SHISA6: variants seen among roughly 807,000 people sequenced by gnomAD.
SHISA6 encodes the protein shisa family member 6.
In SHISA6, 22 loss-of-function variants were observed where a neutral mutation model predicts 47.9. The observed-to-expected ratio is 0.46, with a 90% confidence interval of 0.33 to 0.66. SHISA6 has a LOEUF of 0.66. Ranked by LOEUF, SHISA6 falls within the 30% of genes least tolerant of loss-of-function variation. The probability of loss-of-function intolerance (pLI) is 0.02; values close to 1 mark genes in which losing one functional copy is unlikely to be tolerated. For missense variants in SHISA6, 680 were observed against 764.6 expected (o/e 0.89, Z 1.30); for synonymous variants, 388 against 337.8 (o/e 1.15, Z -1.63).
At chr17:11,312,044 G>T (rs1910358388) in intron 2 of SHISA6, among the ~76,000 whole-genome samples, 1 of 152,108 alleles carries the variant, frequency 6.6e-6, no homozygotes, top group South Asian at 2.1e-4. Context: ...AAAATGCTGA[G>T]ATTACAGGTG....
intron 3 of SHISA6, among the ~76,000 whole-genome samples, chr17:11,537,182 C>T (rs1036624600): frequency 3.3e-5 from 5 of 151,550 alleles, no homozygotes; most frequent in Admixed American, 3.3e-4. Flanking sequence ...TTCACACAGA[C>T]CTGGGCTCTC....
intron 3 of SHISA6, among the ~76,000 whole-genome samples, chr17:11,459,094 C>G (rs143552261): frequency 0.027 from 4,030 of 151,742 alleles, 195 homozygotes; most frequent in African/African-American, 0.092. Flanking sequence ...TGGCAGGCAC[C>G]TGTGGTCCCA....
chr17:11,497,865 T>C (rs1420050241), intron 3 of SHISA6, among the ~76,000 whole-genome samples: 1 of 152,104 alleles, frequency 6.6e-6, no homozygotes, highest in African/African-American at 2.4e-5. Flanking sequence ...TCCATTTGAG[T>C]TGTTAAAGCC....
intron 3 of SHISA6, among the ~76,000 whole-genome samples, chr17:11,429,620 T>TAA (rs34738346): frequency 6.7e-4 from 81 of 121,562 alleles, no homozygotes; most frequent in Middle Eastern, 4.0e-3. Flanking sequence ...CATCTCTACT[T>TAA]AAAAAAAAAA....
chr17:11,350,210 C>T (rs867222133), intron 2 of SHISA6, among the ~76,000 whole-genome samples: 41 of 110,962 alleles, frequency 3.7e-4, no homozygotes, highest in East Asian at 2.0e-3. Flanking sequence ...GACGGAGTCT[C>T]GCTCTGTCGC....
At chr17:11,314,693 G>T in intron 2 of SHISA6, among the ~76,000 whole-genome samples, 1 of 151,846 alleles carries the variant, frequency 6.6e-6, no homozygotes. Context: ...CCACCTCCAC[G>T]CCTGGCTAAT....
At chr17:11,521,576 G>C (rs1192482517) in intron 3 of SHISA6, among the ~76,000 whole-genome samples, 1 of 152,088 alleles carries the variant, frequency 6.6e-6, no homozygotes, top group Non-Finnish European at 1.5e-5. Context: ...TTGAGATCAG[G>C]AGTTCGAGAC....
chr17:11,268,662 A>G (rs1908522163), intron 2 of SHISA6, among the ~76,000 whole-genome samples: 1 of 152,124 alleles, frequency 6.6e-6, no homozygotes. Flanking sequence ...AACATCATAC[A>G]TTTGTCGGTT....
At chr17:11,541,408 C>T (rs2071832562) in intron 3 of SHISA6, among the ~76,000 whole-genome samples, 1 of 152,144 alleles carries the variant, frequency 6.6e-6, no homozygotes, top group Admixed American at 6.5e-5. Flanking sequence ...TTGGCCCCCA[C>T]CTGAAGGAGG....
chr17:11,261,481 A>G (rs905321578), intron 1 of SHISA6, among the ~76,000 whole-genome samples: 1 of 152,218 alleles, frequency 6.6e-6, no homozygotes, highest in Non-Finnish European at 1.5e-5. Flanking sequence ...TTCTTTTCTC[A>G]CATGACCTAG....
At chr17:11,430,474 C>T (rs188012300) in intron 3 of SHISA6, among the ~76,000 whole-genome samples, 23 of 152,268 alleles carry the variant, frequency 1.5e-4, no homozygotes, top group African/African-American at 5.1e-4. Flanking sequence ...ACATGTTGCA[C>T]GAACAAGAAA....
chr17:11,271,117 CAG>C (rs1421442674), intron 2 of SHISA6, among the ~76,000 whole-genome samples: 1 of 151,652 alleles, frequency 6.6e-6, no homozygotes, highest in Non-Finnish European at 1.5e-5. Flanking sequence ...GGGTGTGAAA[CAG>C]GGTGTGCTCA....
intron 2 of SHISA6, among the ~76,000 whole-genome samples, chr17:11,282,398 CTTCT>C (rs1909152896): frequency 8.5e-6 from 1 of 117,030 alleles, no homozygotes; most frequent in African/African-American, 2.9e-5. Flanking sequence ...CGTGGTATTT[CTTCT>C]TTTTTTTTTT....
intron 3 of SHISA6, among the ~76,000 whole-genome samples, chr17:11,541,958 T>C (rs1472548426): frequency 6.6e-6 from 1 of 152,022 alleles, no homozygotes; most frequent in Non-Finnish European, 1.5e-5. Flanking sequence ...CTAGAGAAAA[T>C]TTATAAAAAC....
intron 3 of SHISA6, among the ~76,000 whole-genome samples, chr17:11,397,601 GT>G (rs909893460): frequency 4.0e-5 from 6 of 151,470 alleles, no homozygotes; most frequent in Non-Finnish European, 8.8e-5. Flanking sequence ...AATCTGCCTG[GT>G]TTTGAAATTC....
At chr17:11,493,469 C>T (rs1022672418) in intron 3 of SHISA6, among the ~76,000 whole-genome samples, 1 of 152,156 alleles carries the variant, frequency 6.6e-6, no homozygotes, top group Non-Finnish European at 1.5e-5. Flanking sequence ...TCAAGTAATC[C>T]GCCCACCTCG....
intron 3 of SHISA6, among the ~76,000 whole-genome samples, chr17:11,397,723 A>G (rs1913622885): frequency 6.9e-6 from 1 of 145,678 alleles, no homozygotes; most frequent in Non-Finnish European, 1.5e-5. Flanking sequence ...TTCTCATCTT[A>G]TAAGTTATTT....
chr17:11,317,094 G>T (rs1339532297), intron 2 of SHISA6, among the ~76,000 whole-genome samples: 1 of 151,834 alleles, frequency 6.6e-6, no homozygotes, highest in East Asian at 1.9e-4. Flanking sequence ...TAGATGTTTG[G>T]AAAATACATA....
intron 3 of SHISA6, among the ~76,000 whole-genome samples, chr17:11,412,823 C>A (rs1914169068): frequency 6.6e-6 from 1 of 152,174 alleles, no homozygotes; most frequent in Non-Finnish European, 1.5e-5. Context: ...CCGGGTGTGG[C>A]CTTTCTTTCC....
Sources: allele counts gnomAD v4.1 joint callset (sites outside exome capture counted in the v4.1 genomes callset), GRCh38; gene constraint gnomAD v4.1.1; transcripts MANE v1.5; gene names NCBI Gene and HGNC (gene_info 2026-07-23, HGNC 2026-07-21).